Variants in AP3B1 observed in about 807,000 individuals in gnomAD.
AP3B1 encodes the protein AP-3 complex subunit beta-1.
A neutral mutation model predicts 132.5 loss-of-function variants in AP3B1; 61 were observed. That is an observed-to-expected ratio of 0.46 (90% confidence interval 0.37 to 0.57). AP3B1 has a LOEUF of 0.57. Among genes scored for constraint, AP3B1 ranks in the 20% least tolerant of loss-of-function variants. AP3B1 has a pLI of 0.00. For synonymous variants in AP3B1, 388 were observed against 438.3 expected (o/e 0.89, Z 1.43); for missense variants, 1,120 against 1,289.4 (o/e 0.87, Z 2.01).
At chr5:78,116,479 AC>A (rs1254725753) in intron 17 of AP3B1, among the ~76,000 whole-genome samples, 2 of 152,276 alleles carry the variant, frequency 1.3e-5, no homozygotes, top group African/African-American at 4.8e-5. Flanking sequence ...AATTTTTAAA[AC>A]TTTTGTGTTT....
intron 22 of AP3B1, among the ~76,000 whole-genome samples, chr5:78,065,144 C>T (rs1049236617): frequency 6.6e-6 from 1 of 152,160 alleles, no homozygotes; most frequent in Non-Finnish European, 1.5e-5. Context: ...AGTGATTGTA[C>T]TATCCCGCCC....
At chr5:78,038,780 T>A (rs1747915925) in intron 23 of AP3B1, among the ~76,000 whole-genome samples, 1 of 152,194 alleles carries the variant, frequency 6.6e-6, no homozygotes, top group Non-Finnish European at 1.5e-5. Context: ...ATGATGGCAA[T>A]CTTGACTCTG....
intron 26 of AP3B1, among the ~76,000 whole-genome samples, chr5:78,011,601 T>G (rs944447630): frequency 1.3e-5 from 2 of 152,230 alleles, no homozygotes; most frequent in African/African-American, 2.4e-5. Flanking sequence ...CTGTGCGCCT[T>G]TAATTGGCTT....
In AP3B1 at chr5:78,240,913, T is replaced by G; in HGVS notation, c.228A>C (p.Ala76=). 2 of 1,613,112 alleles carry G rather than the reference T, an allele frequency of 1.2e-6. No homozygotes were observed. ...TCACAACAGCAGGAAACAGTTCAGA[T>G]GCATTTTTCCCTTTTGCAATCATCT... ...IVGMIAKGKN[A]SELFPAVVKN... The change falls in exon 3 of 27, where the codon GCA becomes GCC. Residue 76 remains alanine (A), a synonymous_variant. Transcript: ENST00000255194.
chr5:78,190,895 TC>T (rs1001059291), intron 7 of AP3B1, among the ~76,000 whole-genome samples: 6 of 152,198 alleles, frequency 3.9e-5, no homozygotes, highest in African/African-American at 9.6e-5. Context: ...AAAAAAAGTT[TC>T]CCCCCTAAAA....
chr5:78,131,051 T>G, intron 15 of AP3B1, among the ~76,000 whole-genome samples: 1 of 151,980 alleles, frequency 6.6e-6, no homozygotes, highest in East Asian at 1.9e-4. Flanking sequence ...TATAAGCTTA[T>G]AAATAAGTTT....
intron 15 of AP3B1, among the ~76,000 whole-genome samples, chr5:78,136,858 C>T (rs889316504): frequency 2.6e-5 from 4 of 151,996 alleles, no homozygotes; most frequent in Non-Finnish European, 5.9e-5. Flanking sequence ...TAGAAGCATA[C>T]ATGTTGCAAT....
At chr5:78,229,695 T>C (rs1430301530) in intron 3 of AP3B1, among the ~76,000 whole-genome samples, 3 of 151,790 alleles carry the variant, frequency 2.0e-5, no homozygotes, top group African/African-American at 7.3e-5. Flanking sequence ...GGCAGGATTG[T>C]GCCACTGCAC....
intron 22 of AP3B1, chr5:78,043,847 G>T (rs1748202605): frequency 1.1e-5 from 4 of 363,176 alleles, no homozygotes; most frequent in African/African-American, 6.4e-5. Context: ...CCCTGACTTT[G>T]GTAGACACAG....
At chr5:78,242,494 C>T (rs1189003967) in intron 2 of AP3B1, among the ~76,000 whole-genome samples, 3 of 152,300 alleles carry the variant, frequency 2.0e-5, no homozygotes, top group East Asian at 1.9e-4. Context: ...GCAACCTCCG[C>T]CTCCCGGGTT....
chr5:78,100,342 ATCTC>A (rs1388375078), intron 21 of AP3B1, among the ~76,000 whole-genome samples: 1 of 152,176 alleles, frequency 6.6e-6, no homozygotes, highest in African/African-American at 2.4e-5. Context: ...AAGTACCACT[ATCTC>A]TCTCTCACTA....
chr5:78,223,681 G>C (rs1191874099), intron 6 of AP3B1, among the ~76,000 whole-genome samples: 1 of 152,112 alleles, frequency 6.6e-6, no homozygotes, highest in African/African-American at 2.4e-5. Flanking sequence ...TAGGCACTGT[G>C]CTGAGGGTTT....
intron 24 of AP3B1, among the ~76,000 whole-genome samples, chr5:78,025,046 A>G (rs1368918774): frequency 6.6e-6 from 1 of 152,098 alleles, no homozygotes; most frequent in African/African-American, 2.4e-5. Context: ...ACAGTAAGAA[A>G]TACAGACACA....
At chr5:78,158,182 C>G (rs1017596573) in intron 13 of AP3B1, among the ~76,000 whole-genome samples, 3 of 152,114 alleles carry the variant, frequency 2.0e-5, no homozygotes, top group Non-Finnish European at 4.4e-5. Flanking sequence ...AAGAAATTAA[C>G]TAATATTGAC....
intron 14 of AP3B1, among the ~76,000 whole-genome samples, chr5:78,154,979 A>G (rs1195702678): frequency 6.6e-6 from 1 of 152,198 alleles, no homozygotes; most frequent in East Asian, 1.9e-4. Flanking sequence ...TTGTTTGGTG[A>G]GGCCATATTT....
At chr5:78,011,743 T>C (rs1045459152) in intron 26 of AP3B1, among the ~76,000 whole-genome samples, 3 of 152,204 alleles carry the variant, frequency 2.0e-5, no homozygotes, top group African/African-American at 4.8e-5. Context: ...TAGATAATTC[T>C]TACACTAAGT....
At chr5:78,273,796 T>C (rs1178249407) in intron 1 of AP3B1, among the ~76,000 whole-genome samples, 1 of 151,716 alleles carries the variant, frequency 6.6e-6, no homozygotes, top group African/African-American at 2.4e-5. Flanking sequence ...AAAAGTTCCA[T>C]AAACAAGACC....
intron 11 of AP3B1, among the ~76,000 whole-genome samples, chr5:78,169,931 G>A (rs999566411): frequency 1.4e-4 from 21 of 151,918 alleles, no homozygotes; most frequent in Non-Finnish European, 2.6e-4. Context: ...GACAGGCCCC[G>A]GTGTGTGATG....
intron 11 of AP3B1, among the ~76,000 whole-genome samples, chr5:78,169,467 TC>T (rs1278305256): frequency 2.0e-5 from 3 of 152,072 alleles, no homozygotes; most frequent in Non-Finnish European, 4.4e-5. Flanking sequence ...AGAGACAGGG[TC>T]TCAGGCTGGA....
Sources: gnomAD v4.1 joint callset for allele counts (sites outside exome capture counted in the v4.1 genomes callset) on GRCh38, gnomAD v4.1.1 for gene constraint, MANE v1.5 for transcripts, NCBI Gene and HGNC (gene_info 2026-07-23, HGNC 2026-07-21) for gene names.